COL11A1: variants seen among roughly 807,000 people sequenced by gnomAD.
COL11A1 encodes the protein collagen alpha-1(XI) chain.
COL11A1 carries 74 observed loss-of-function variants against 265.2 expected under a neutral mutation model. The observed-to-expected ratio is 0.28, with a 90% confidence interval of 0.23 to 0.34. The LOEUF is 0.34. Among genes scored for constraint, COL11A1 ranks in the 10% least tolerant of loss-of-function variants. The probability of loss-of-function intolerance (pLI) is 1.00; values close to 1 mark genes in which losing one functional copy is unlikely to be tolerated. For synonymous variants in COL11A1, 816 were observed against 727.6 expected (o/e 1.12, Z -1.96); for missense variants, 2,165 against 2,263.6 (o/e 0.96, Z 0.88).
chr1:102,888,065 G>A (rs969653955), intron 62 of COL11A1, among the ~76,000 whole-genome samples: 1 of 152,154 alleles, frequency 6.6e-6, no homozygotes, highest in Admixed American at 6.5e-5. Flanking sequence ...TAGTTGGAAA[G>A]ATTTTAGCTC....
At chr1:102,938,391 T>A (rs112872699) in intron 44 of COL11A1, among the ~76,000 whole-genome samples, 57 of 28,902 alleles carry the variant, frequency 2.0e-3, no homozygotes, top group African/African-American at 3.3e-3. Flanking sequence ...GAAAAAAAAA[T>A]TAAAAAAAAA....
chr1:102,971,413 T>A (rs1308548073), intron 36 of COL11A1, among the ~76,000 whole-genome samples: 4 of 152,160 alleles, frequency 2.6e-5, no homozygotes, highest in Non-Finnish European at 4.4e-5. Flanking sequence ...AAGTTCAAAT[T>A]TCAAAACATG....
intron 42 of COL11A1, among the ~76,000 whole-genome samples, chr1:102,944,862 TA>T (rs1221833953): frequency 1.3e-5 from 2 of 152,150 alleles, no homozygotes; most frequent in Non-Finnish European, 2.9e-5. Context: ...GTGTTCCCTA[TA>T]TTTTTTAATT....
At chr1:102,978,601 G>T in intron 35 of COL11A1, 107 bp downstream of exon 35, 1 of 1,176,638 alleles carries the variant, frequency 8.5e-7, no homozygotes, top group Non-Finnish European at 1.3e-6. Context: ...TAGATTTTGT[G>T]GATAGACATG....
At chr1:103,005,230 T>C (rs907603724) in intron 18 of COL11A1, among the ~76,000 whole-genome samples, 2 of 152,150 alleles carry the variant, frequency 1.3e-5, no homozygotes, top group African/African-American at 2.4e-5. Flanking sequence ...TATCTTATTC[T>C]CATTATTAAT....
intron 46 of COL11A1, among the ~76,000 whole-genome samples, chr1:102,928,901 A>C (rs1656991627): frequency 1.3e-5 from 1 of 78,540 alleles, no homozygotes; most frequent in Non-Finnish European, 3.3e-5. Flanking sequence ...TTCTTTTGAG[A>C]AGTGTCTGTT....
chr1:103,005,282 C>A (rs1413059494), intron 18 of COL11A1, among the ~76,000 whole-genome samples: 2 of 152,048 alleles, frequency 1.3e-5, no homozygotes, highest in African/African-American at 4.8e-5. Flanking sequence ...TGATCTTTTT[C>A]TGAGAGATTG....
Position 102,913,702 on chromosome 1 carries a change from A to G in COL11A1, c.3979-12T>C, listed in dbSNP as rs2101026303. 1 of 1,612,558 alleles carries G rather than the reference A, an allele frequency of 6.2e-7. No homozygotes were observed. The highest frequency in any genetic ancestry group is 8.5e-7 in the Non-Finnish European group (1 of 1,178,770). ...ACACCATCTTGACCCTATAAGAGGC[A>G]ATAAAATATGAAGCAAGATATATCT... On this transcript the variant is annotated splice_polypyrimidine_tract_variant and intron_variant, in intron 52 of 66. Coordinates refer to ENST00000370096, the MANE Select transcript of COL11A1 (RefSeq NM_001854.4).
intron 4 of COL11A1, among the ~76,000 whole-genome samples, chr1:103,055,594 G>A (rs1670183881): frequency 6.6e-6 from 1 of 152,156 alleles, no homozygotes; most frequent in African/African-American, 2.4e-5. Flanking sequence ...TGGAAGATGA[G>A]GCAAGAGCAA....
Position 102,915,620 on chromosome 1 carries a change from A to T in COL11A1, c.3816+11T>A. ...AATAATACACTATGTTAACAATAAC[A>T]CAGTACTTACGCCTACACCTGCTTC... On this transcript the variant is annotated intron_variant, in intron 50 of 66. Transcript: ENST00000370096. 1 of 1,610,880 alleles carries T rather than the reference A, an allele frequency of 6.2e-7. No individual in the cohort carries two copies. Among genetic ancestry groups the T allele is most frequent in the South Asian group, 1.1e-5 (1 of 91,004 alleles).
At chr1:103,033,964 T>C (rs2102010121) in intron 4 of COL11A1, among the ~76,000 whole-genome samples, 1 of 152,192 alleles carries the variant, frequency 6.6e-6, no homozygotes, top group East Asian at 1.9e-4. Flanking sequence ...TCAGTTTTGC[T>C]GGCTATAAAA....
At chr1:102,979,512 CAG>C in intron 31 of COL11A1, 77 bp from the exon 32 acceptor site, 2 of 986,990 alleles carry the variant, frequency 2.0e-6, no homozygotes, top group East Asian at 5.0e-5. Flanking sequence ...TATTTTGGAA[CAG>C]AGTGATTTTC....
chr1:103,100,972 T>C (rs914052094), intron 1 of COL11A1, among the ~76,000 whole-genome samples: 11 of 151,966 alleles, frequency 7.2e-5, no homozygotes, highest in Middle Eastern at 3.2e-3. Flanking sequence ...ATACTGAGCA[T>C]GTATTTGGTA....
intron 1 of COL11A1, among the ~76,000 whole-genome samples, chr1:103,084,341 C>T (rs919887539): frequency 2.0e-5 from 3 of 152,080 alleles, no homozygotes; most frequent in African/African-American, 7.2e-5. Flanking sequence ...TACAGAAGTG[C>T]CATATGACCC....
chr1:102,915,509 T>G, intron 50 of COL11A1, 122 bp downstream of exon 50: 1 of 831,556 alleles, frequency 1.2e-6, no homozygotes, highest in Non-Finnish European at 2.1e-6. Flanking sequence ...TGATTTTCCT[T>G]AATGAGTTGG....
intron 35 of COL11A1, among the ~76,000 whole-genome samples, 160 bp from the exon 36 acceptor site, chr1:102,975,043 C>T (rs1179602133): frequency 1.3e-5 from 2 of 152,108 alleles, no homozygotes; most frequent in Non-Finnish European, 2.9e-5. Flanking sequence ...AAGTGCTAAT[C>T]TAAAAGTAAA....
Position 102,876,718 on chromosome 1 carries a change from A to G in COL11A1, c.*1301T>C, listed in dbSNP as rs1282780058. 6.6e-6 allele frequency: 1 copy of G among 152,468 alleles called. No homozygotes were observed. The highest frequency in any genetic ancestry group is 2.4e-5 in the African/African-American group (1 of 41,468). The allele number at this position is 152,468 out of a possible 1,614,324, so 9.4% of individuals were successfully genotyped here. A position where few individuals can be genotyped will look rare whatever the true frequency, so the allele number is the denominator to read the frequency against. ...TTTTCAAGTCTTACATATATTACTTAAAATAGATACAAAATTCAGTTTTTA... is the reference window on the plus strand; with the variant it reads ...TTTTCAAGTCTTACATATATTACTTGAAATAGATACAAAATTCAGTTTTTA... On this transcript the variant is annotated 3_prime_UTR_variant, in exon 67 of 67. Coordinates refer to ENST00000370096, the MANE Select transcript of COL11A1 (RefSeq NM_001854.4).
intron 26 of COL11A1, among the ~76,000 whole-genome samples, chr1:102,996,652 A>G (rs576630328): frequency 1.2e-3 from 175 of 151,922 alleles, no homozygotes; most frequent in Non-Finnish European, 2.2e-3. Flanking sequence ...CTAAAGTACT[A>G]ACATTGAATA....
intron 35 of COL11A1, among the ~76,000 whole-genome samples, chr1:102,975,609 C>T (rs1570919595): frequency 6.6e-6 from 1 of 151,990 alleles, no homozygotes; most frequent in East Asian, 1.9e-4. Context: ...GCATAAAGTC[C>T]CATTACAGTG....
Sources: gnomAD v4.1 joint callset for allele counts (sites outside exome capture counted in the v4.1 genomes callset) on GRCh38, gnomAD v4.1.1 for gene constraint, MANE v1.5 for transcripts, NCBI Gene and HGNC (gene_info 2026-07-23, HGNC 2026-07-21) for gene names.